Variants in CHRM3 observed in about 807,000 individuals in gnomAD.
The protein encoded by CHRM3 is muscarinic acetylcholine receptor M3.
A neutral mutation model predicts 41.8 loss-of-function variants in CHRM3; 11 were observed. The ratio of observed to expected loss-of-function variants is 0.26; its 90% CI spans 0.17 to 0.44. CHRM3 has a LOEUF of 0.44. Among genes scored for constraint, CHRM3 ranks in the 20% least tolerant of loss-of-function variants. The probability of loss-of-function intolerance (pLI) is 1.00; values close to 1 mark genes in which losing one functional copy is unlikely to be tolerated. For synonymous variants in CHRM3, 297 were observed against 301.4 expected (o/e 0.99, Z 0.15); for missense variants, 571 against 745.4 (o/e 0.77, Z 2.72).
intron 5 of CHRM3, among the ~76,000 whole-genome samples, chr1:239,740,696 T>A (rs367935246): frequency 6.6e-6 from 1 of 152,126 alleles, no homozygotes; most frequent in African/African-American, 2.4e-5. Context: ...GACATTTATG[T>A]GGCCAATAAA....
chr1:239,768,434 TGATA>T (rs1028792919), intron 5 of CHRM3, among the ~76,000 whole-genome samples: 5 of 152,070 alleles, frequency 3.3e-5, no homozygotes, highest in African/African-American at 1.2e-4. Context: ...GATGAAAATG[TGATA>T]CAAAAATGAA....
At position 239,821,224 on chromosome 1, in the gene CHRM3, C is replaced by T. The variant is rs755958446; in HGVS notation, c.-146-6028C>T. Among the ~76,000 whole-genome samples the T allele has an allele frequency of 3.9e-5, 6 of 152,320 alleles. No homozygotes were observed. In the South Asian group the frequency reaches 1.2e-3, roughly 32 times the overall value. On this transcript the variant is annotated intron_variant, in intron 5 of 6. Transcript: ENST00000676153. ...TTTCCAACATCCAGGATAAAGCTGA[C>T]CAACACTTTCGATGAAGCTATTGAG...
At chr1:239,697,972 T>C (rs1463129462) in intron 5 of CHRM3, among the ~76,000 whole-genome samples, 1 of 152,160 alleles carries the variant, frequency 6.6e-6, no homozygotes, top group African/African-American at 2.4e-5. Flanking sequence ...TGGTAGATGA[T>C]GAGAGAGAGC....
At chr1:239,483,836 C>A (rs1247770790) in intron 1 of CHRM3, among the ~76,000 whole-genome samples, 1 of 152,110 alleles carries the variant, frequency 6.6e-6, no homozygotes, top group Non-Finnish European at 1.5e-5. Context: ...GCTAAAATGA[C>A]AATTTGATAT....
At chr1:239,761,953 T>C (rs567308279) in intron 5 of CHRM3, among the ~76,000 whole-genome samples, 2 of 152,148 alleles carry the variant, frequency 1.3e-5, no homozygotes, top group African/African-American at 2.4e-5. Context: ...TGTTTGAACG[T>C]CCCTTCCCTG....
intron 5 of CHRM3, among the ~76,000 whole-genome samples, chr1:239,689,806 G>A (rs576273720): frequency 3.9e-5 from 6 of 152,246 alleles, no homozygotes; most frequent in East Asian, 3.9e-4. Context: ...TAGATATTCC[G>A]TGTCCAGGGT....
intron 5 of CHRM3, among the ~76,000 whole-genome samples, chr1:239,815,545 T>G (rs543315577): frequency 6.6e-6 from 1 of 152,354 alleles, no homozygotes; most frequent in Non-Finnish European, 1.5e-5. Flanking sequence ...ACCAAGCATA[T>G]AGTACAGTGG....
At chr1:239,517,018 G>C (rs1485475775) in intron 2 of CHRM3, among the ~76,000 whole-genome samples, 2 of 152,104 alleles carry the variant, frequency 1.3e-5, no homozygotes, top group African/African-American at 4.8e-5. Context: ...TCTACACCAT[G>C]ATGAGTTGTA....
intron 1 of CHRM3, among the ~76,000 whole-genome samples, chr1:239,490,956 G>T (rs1263312799): frequency 6.6e-6 from 1 of 152,028 alleles, no homozygotes; most frequent in African/African-American, 2.4e-5. Flanking sequence ...GCCCAGGCTG[G>T]TCTCAAACTC....
At chr1:239,618,871 A>G (rs1558384079) in intron 3 of CHRM3, among the ~76,000 whole-genome samples, 1 of 148,174 alleles carries the variant, frequency 6.7e-6, no homozygotes, top group South Asian at 2.1e-4. Context: ...AGTAAAGATG[A>G]CATTTAGATG....
At chr1:239,668,041 T>C (rs1008483256) in intron 4 of CHRM3, among the ~76,000 whole-genome samples, 1 of 151,948 alleles carries the variant, frequency 6.6e-6, no homozygotes, top group South Asian at 2.1e-4. Flanking sequence ...CTCTTTTTTT[T>C]ATCACTTAAG....
intron 3 of CHRM3, among the ~76,000 whole-genome samples, chr1:239,561,274 C>T (rs1660832889): frequency 6.6e-6 from 1 of 152,212 alleles, no homozygotes; most frequent in African/African-American, 2.4e-5. Context: ...CAGGGGCTTT[C>T]AAAATACCTT....
intron 1 of CHRM3, among the ~76,000 whole-genome samples, chr1:239,482,560 T>A (rs1666926301): frequency 1.3e-5 from 2 of 152,190 alleles, no homozygotes; most frequent in South Asian, 4.1e-4. Flanking sequence ...TAACCCCTAG[T>A]CACTCTTAGT....
chr1:239,430,711 A>G (rs1393456158), intron 1 of CHRM3, among the ~76,000 whole-genome samples: 2 of 151,758 alleles, frequency 1.3e-5, no homozygotes, highest in Non-Finnish European at 1.5e-5. Flanking sequence ...ATACACACAC[A>G]TATGTATGCA....
At chr1:239,759,157 G>GT (rs1190071839) in intron 5 of CHRM3, among the ~76,000 whole-genome samples, 2,368 of 121,538 alleles carry the variant, frequency 0.019, 77 homozygotes, top group African/African-American at 0.068. Flanking sequence ...AGCTTTATGG[G>GT]TTTTTTTTTT....
chr1:239,699,145 ATTC>A (rs1198080033), intron 5 of CHRM3, among the ~76,000 whole-genome samples: 8 of 151,622 alleles, frequency 5.3e-5, no homozygotes, highest in Admixed American at 4.6e-4. Flanking sequence ...TTGTTTCTGT[ATTC>A]TTATTTCATG....
intron 4 of CHRM3, among the ~76,000 whole-genome samples, chr1:239,643,651 AT>A (rs1438885171): frequency 1.3e-5 from 2 of 152,028 alleles, no homozygotes; most frequent in Non-Finnish European, 2.9e-5. Flanking sequence ...GAGTGACCCG[AT>A]TTTCCAGATG....
At chr1:239,399,861 C>G (rs1436997056) in intron 1 of CHRM3, among the ~76,000 whole-genome samples, 1 of 151,928 alleles carries the variant, frequency 6.6e-6, no homozygotes, top group Admixed American at 6.6e-5. Flanking sequence ...GATGTATACC[C>G]AGTAGCGGGA....
At chr1:239,598,717 G>T (rs1665108956) in intron 3 of CHRM3, among the ~76,000 whole-genome samples, 1 of 152,100 alleles carries the variant, frequency 6.6e-6, no homozygotes, top group Admixed American at 6.6e-5. Flanking sequence ...TGTCCAAACT[G>T]CTCTGAAATA....
Sources: gnomAD v4.1 joint callset for allele counts (sites outside exome capture counted in the v4.1 genomes callset) on GRCh38, gnomAD v4.1.1 for gene constraint, MANE v1.5 for transcripts, NCBI Gene and HGNC (gene_info 2026-07-23, HGNC 2026-07-21) for gene names.